Variants in MAP3K5 observed in about 807,000 individuals in gnomAD.
MAP3K5 encodes ASK-1.
A neutral mutation model predicts 158.7 loss-of-function variants in MAP3K5; 56 were observed. The ratio of observed to expected loss-of-function variants is 0.35; its 90% CI spans 0.28 to 0.44. MAP3K5 has a LOEUF of 0.44. Among genes scored for constraint, MAP3K5 ranks in the 20% least tolerant of loss-of-function variants. MAP3K5 has a pLI of 1.00. For synonymous variants in MAP3K5, 579 were observed against 601.7 expected (o/e 0.96, Z 0.55); for missense variants, 1,294 against 1,674.8 (o/e 0.77, Z 3.97).
At chr6:136,725,046 T>C (rs1383589458) in intron 1 of MAP3K5, among the ~76,000 whole-genome samples, 1 of 152,208 alleles carries the variant, frequency 6.6e-6, no homozygotes, top group Non-Finnish European at 1.5e-5. Flanking sequence ...TGTAGCCTTT[T>C]GGGTTTGGCT....
chr6:136,751,059 A>G (rs1313736736), intron 1 of MAP3K5, among the ~76,000 whole-genome samples: 1 of 150,116 alleles, frequency 6.7e-6, no homozygotes, highest in Admixed American at 6.6e-5. Context: ...CTTTTTCACC[A>G]CTTCATCCCC....
chr6:136,701,312 T>A (rs1363005216), intron 3 of MAP3K5, among the ~76,000 whole-genome samples: 1 of 152,216 alleles, frequency 6.6e-6, no homozygotes, highest in Non-Finnish European at 1.5e-5. Flanking sequence ...CAAATGCCCT[T>A]ATGACCGGAC....
At chr6:136,689,973 G>A (rs1181294273) in intron 7 of MAP3K5, among the ~76,000 whole-genome samples, 3 of 151,828 alleles carry the variant, frequency 2.0e-5, no homozygotes, top group Non-Finnish European at 4.4e-5. Context: ...TGGCCTCCTT[G>A]AATTTTTTTT....
intron 7 of MAP3K5, among the ~76,000 whole-genome samples, chr6:136,675,902 G>C (rs1056097129): frequency 9.2e-5 from 14 of 152,190 alleles, no homozygotes; most frequent in African/African-American, 3.1e-4. Flanking sequence ...TTAACGCTAA[G>C]CCCTCATAAA....
chr6:136,638,672 C>T (rs1562568590), intron 13 of MAP3K5, among the ~76,000 whole-genome samples: 2 of 150,298 alleles, frequency 1.3e-5, no homozygotes, highest in Admixed American at 6.6e-5. Flanking sequence ...GTTTTTTTTT[C>T]CCCCACCATA....
chr6:136,727,035 A>G (rs1404490152), intron 1 of MAP3K5, among the ~76,000 whole-genome samples: 2 of 152,190 alleles, frequency 1.3e-5, no homozygotes, highest in Non-Finnish European at 2.9e-5. Flanking sequence ...TTAAACAGTA[A>G]TATTTCATTA....
chr6:136,602,074 A>T, intron 19 of MAP3K5, 95 bp from the exon 20 acceptor site: 1 of 915,202 alleles, frequency 1.1e-6, no homozygotes, highest in Non-Finnish European at 1.7e-6. Context: ...CAATGCAACA[A>T]GATCCCTTAT....
chr6:136,571,985 T>C (rs1451208508), intron 25 of MAP3K5, among the ~76,000 whole-genome samples: 1 of 152,228 alleles, frequency 6.6e-6, no homozygotes, highest in Non-Finnish European at 1.5e-5. Context: ...CATTTCTTAA[T>C]TTATTGATAG....
At chr6:136,691,151 T>C (rs187217867) in intron 7 of MAP3K5, among the ~76,000 whole-genome samples, 1 of 152,322 alleles carries the variant, frequency 6.6e-6, no homozygotes, top group African/African-American at 2.4e-5. Context: ...TAATTTTCTT[T>C]GATATTTATG....
intron 1 of MAP3K5, among the ~76,000 whole-genome samples, chr6:136,737,536 A>G (rs550184131): frequency 1.3e-5 from 2 of 152,208 alleles, no homozygotes; most frequent in South Asian, 4.1e-4. Context: ...CCCGCCATGT[A>G]TCACATACTA....
Position 136,694,297 on chromosome 6 carries a change from C to G in MAP3K5, c.1096G>C (p.Gly366Arg), listed in dbSNP as rs763227736. The G allele has an allele frequency of 6.2e-7, 1 of 1,610,878 alleles. No individual in the cohort carries two copies. The highest frequency in any genetic ancestry group is 1.7e-5 in the Admixed American group (1 of 59,888). The change falls in exon 7 of 30, where the codon GGT (glycine) becomes CGT (arginine). Residue 366 changes from glycine to arginine, a missense_variant. Coordinates refer to ENST00000359015, the MANE Select transcript of MAP3K5 (RefSeq NM_005923.4). ...AFALNRRNLP[G>R]DRAKALDIMI... ...ATATCAAGAGCTTTTGCTCTGTCACCAGGGAGATTTCTCCTAAGGCAGAAA... is the reference window on the plus strand; with the variant it reads ...ATATCAAGAGCTTTTGCTCTGTCACGAGGGAGATTTCTCCTAAGGCAGAAA...
At chr6:136,669,884 G>GGGGTGT (rs367821154) in intron 7 of MAP3K5, among the ~76,000 whole-genome samples, 1 of 144,496 alleles carries the variant, frequency 6.9e-6, no homozygotes, top group Middle Eastern at 3.6e-3. Flanking sequence ...CATCATTCAG[G>GGGGTGT]GTGTGTGTGT....
chr6:136,657,296 C>T (rs1778794847), intron 9 of MAP3K5, among the ~76,000 whole-genome samples: 1 of 152,122 alleles, frequency 6.6e-6, no homozygotes, highest in South Asian at 2.1e-4. Flanking sequence ...AATGGCTATG[C>T]AGGCGCTTTA....
At chr6:136,650,956 C>A in intron 11 of MAP3K5, 28 bp downstream of exon 11, 1 of 1,418,766 alleles carries the variant, frequency 7.0e-7, no homozygotes, top group Non-Finnish European at 9.9e-7. Context: ...GTTACTAATG[C>A]TCTTGTGTTA....
intron 17 of MAP3K5, among the ~76,000 whole-genome samples, chr6:136,611,798 C>T (rs756493425): frequency 6.6e-6 from 1 of 152,202 alleles, no homozygotes; most frequent in Non-Finnish European, 1.5e-5. Flanking sequence ...TGAAAGGCCA[C>T]CAGGTTAGGA....
Position 136,720,250 on chromosome 6 carries a change from G to A in MAP3K5, c.588+200C>T, listed in dbSNP as rs540909239. On this transcript the variant is annotated intron_variant, in intron 2 of 29. Coordinates refer to ENST00000359015, the MANE Select transcript of MAP3K5 (RefSeq NM_005923.4). ...ATGACTGAAACTCAGAACTCAGTGTGAACTTTTTTCCTACTCGTGTCATCA... is the reference window on the plus strand; with the variant it reads ...ATGACTGAAACTCAGAACTCAGTGTAAACTTTTTTCCTACTCGTGTCATCA... 2.0e-5 allele frequency among the ~76,000 whole-genome samples: 3 copies of A among 152,258 alleles called. No individual in the cohort carries two copies. In the East Asian group the frequency reaches 5.8e-4, roughly 29 times the overall value.
At chr6:136,640,378 A>T (rs1777867382) in intron 12 of MAP3K5, among the ~76,000 whole-genome samples, 1 of 152,226 alleles carries the variant, frequency 6.6e-6, no homozygotes, top group Non-Finnish European at 1.5e-5. Context: ...GTGAAGGACC[A>T]GATGTAGTCC....
Position 136,764,262 on chromosome 6 carries a change from G to T in MAP3K5, c.448+27448C>A, listed in dbSNP as rs533672110. 1.6e-3 allele frequency among the ~76,000 whole-genome samples: 245 copies of T among 152,292 alleles called. 2 individuals are homozygous for T. The highest frequency in any genetic ancestry group is 4.7e-4 in the Non-Finnish European group (32 of 68,030). On this transcript the variant is annotated intron_variant, in intron 1 of 29. Coordinates refer to ENST00000359015, the MANE Select transcript of MAP3K5 (RefSeq NM_005923.4). Reference sequence around the variant, plus strand: ...CCCCTTCCCTTGAGACTGAGTTGGTGCTGTAACTGCTTTTACCAATAGGAT... The same window carrying T: ...CCCCTTCCCTTGAGACTGAGTTGGTTCTGTAACTGCTTTTACCAATAGGAT...
chr6:136,769,845 A>G (rs1582673722), intron 1 of MAP3K5, among the ~76,000 whole-genome samples: 2 of 29,350 alleles, frequency 6.8e-5, no homozygotes, highest in African/African-American at 1.5e-4. Flanking sequence ...GGAGGGAGGG[A>G]GGGAGGGAGG....
Sources: allele counts gnomAD v4.1 joint callset (sites outside exome capture counted in the v4.1 genomes callset), GRCh38; gene constraint gnomAD v4.1.1; transcripts MANE v1.5; gene names NCBI Gene and HGNC (gene_info 2026-07-23, HGNC 2026-07-21).